The following DCC variants were observed in gnomAD, a reference collection of about 807,000 sequenced individuals.
The protein encoded by DCC is DCC netrin 1 receptor.
In DCC, 58 loss-of-function variants were observed where a neutral mutation model predicts 172.5. The observed-to-expected ratio is 0.34, with a 90% CI of 0.27 to 0.42. DCC has a LOEUF of 0.42. Among genes scored for constraint, DCC ranks in the 10% least tolerant of loss-of-function variants. The pLI is 1.00. For synonymous variants in DCC, 709 were observed against 644.5 expected (o/e 1.10, Z -1.52); for missense variants, 1,740 against 1,791.0 (o/e 0.97, Z 0.51).
intron 1 of DCC, among the ~76,000 whole-genome samples, chr18:52,550,854 T>G (rs1489239045): frequency 6.6e-6 from 1 of 151,828 alleles, no homozygotes; most frequent in Non-Finnish European, 1.5e-5. Flanking sequence ...GTATGGGAAC[T>G]CTGTACGATC....
At chr18:53,061,652 G>C (rs1268828301) in intron 5 of DCC, among the ~76,000 whole-genome samples, 1 of 152,100 alleles carries the variant, frequency 6.6e-6, no homozygotes, top group Non-Finnish European at 1.5e-5. Flanking sequence ...GAAGTTTCAA[G>C]TGGCAAAAGA....
At chr18:53,230,950 A>T (rs867972612) in intron 12 of DCC, among the ~76,000 whole-genome samples, 3 of 151,880 alleles carry the variant, frequency 2.0e-5, no homozygotes, top group Admixed American at 6.6e-5. Context: ...TATTATGCAG[A>T]TATGTAGATT....
At chr18:52,927,769 C>A (rs8096650) in intron 5 of DCC, among the ~76,000 whole-genome samples, 1 of 151,694 alleles carries the variant, frequency 6.6e-6, no homozygotes, top group Non-Finnish European at 1.5e-5. Context: ...ACAGATATTG[C>A]CGGGGTTGTG....
At chr18:53,208,974 A>C (rs1488091437) in intron 11 of DCC, among the ~76,000 whole-genome samples, 1 of 151,840 alleles carries the variant, frequency 6.6e-6, no homozygotes, top group Non-Finnish European at 1.5e-5. Context: ...CAAGTGATCC[A>C]CCCGCCTTGG....
At chr18:53,368,871 T>C (rs2058031865) in intron 15 of DCC, among the ~76,000 whole-genome samples, 1 of 152,020 alleles carries the variant, frequency 6.6e-6, no homozygotes, top group Admixed American at 6.6e-5. Context: ...AATCAAAAAG[T>C]ATGCGTCTTC....
chr18:52,784,857 AAATTT>A (rs2037623874), intron 2 of DCC, among the ~76,000 whole-genome samples: 1 of 151,074 alleles, frequency 6.6e-6, no homozygotes, highest in African/African-American at 2.4e-5. Context: ...AAGAAGTAGA[AAATTT>A]AATAGAATAA....
chr18:53,224,400 G>A (rs1334198924), intron 12 of DCC, among the ~76,000 whole-genome samples: 3 of 152,162 alleles, frequency 2.0e-5, no homozygotes, highest in African/African-American at 7.2e-5. Context: ...GCCAGATCTG[G>A]CGGGGCTTTG....
intron 5 of DCC, among the ~76,000 whole-genome samples, chr18:53,037,523 C>A (rs2143983668): frequency 6.6e-6 from 1 of 151,992 alleles, no homozygotes; most frequent in Non-Finnish European, 1.5e-5. Flanking sequence ...CTTGGTCCCG[C>A]AAGAGCCTCT....
intron 8 of DCC, among the ~76,000 whole-genome samples, chr18:53,178,463 T>TC (rs2055143025): frequency 6.6e-6 from 1 of 152,192 alleles, no homozygotes; most frequent in African/African-American, 2.4e-5. Context: ...GGACTCAGGC[T>TC]CCATACATAG....
At chr18:52,905,070 G>T (rs760264868) in intron 2 of DCC, among the ~76,000 whole-genome samples, 1 of 151,994 alleles carries the variant, frequency 6.6e-6, no homozygotes, top group African/African-American at 2.4e-5. Flanking sequence ...CATGTACAAC[G>T]TCATGGCAGA....
chr18:53,059,097 G>C (rs6508194), intron 5 of DCC, among the ~76,000 whole-genome samples: 52,518 of 151,902 alleles, frequency 0.35, 11,530 homozygotes, highest in African/African-American at 0.63. Context: ...GGAGAAGTGT[G>C]GAGCCAAAGG....
At chr18:52,717,675 T>C (rs2036407774) in intron 1 of DCC, among the ~76,000 whole-genome samples, 1 of 152,114 alleles carries the variant, frequency 6.6e-6, no homozygotes, top group Admixed American at 6.5e-5. Flanking sequence ...CCAGCGGACT[T>C]TTAACCCAGA....
At chr18:53,444,120 T>C (rs1912448791) in intron 22 of DCC, among the ~76,000 whole-genome samples, 2 of 152,218 alleles carry the variant, frequency 1.3e-5, no homozygotes, top group African/African-American at 2.4e-5. Context: ...TTGAGAAAAT[T>C]GACTCCAATT....
At chr18:53,431,667 T>C (rs1911628710) in intron 21 of DCC, among the ~76,000 whole-genome samples, 1 of 152,098 alleles carries the variant, frequency 6.6e-6, no homozygotes, top group African/African-American at 2.4e-5. Context: ...GTATTTTTAG[T>C]AGAGACGAGG....
chr18:52,694,918 A>G (rs966718045), intron 1 of DCC, among the ~76,000 whole-genome samples: 9 of 152,214 alleles, frequency 5.9e-5, no homozygotes, highest in African/African-American at 2.2e-4. Flanking sequence ...TAAGAATAGA[A>G]GATACAATTT....
In DCC at chr18:53,386,173, A is replaced by G. The variant is rs1435382557; in HGVS notation, c.2455+35A>G. On this transcript the variant is annotated intron_variant, in intron 16 of 28. Transcript: ENST00000442544. ...ATTGTTAATCTTCCTCTGACAAAGTATATTTGATTTATGGTGAAAAAAGAA... is the reference window on the plus strand; with the variant it reads ...ATTGTTAATCTTCCTCTGACAAAGTGTATTTGATTTATGGTGAAAAAAGAA... 5.9e-6 allele frequency: 8 copies of G among 1,354,746 alleles called. No homozygotes were observed. The Admixed American group carries it at 1.2e-4, about 20-fold the overall frequency. The allele number at this position is 1,354,746 out of a possible 1,614,324, so 83.9% of individuals were successfully genotyped here. A position where few individuals can be genotyped will look rare whatever the true frequency, so the allele number is the denominator to read the frequency against.
intron 5 of DCC, among the ~76,000 whole-genome samples, chr18:52,969,967 A>T (rs1488034402): frequency 6.6e-6 from 1 of 152,132 alleles, no homozygotes; most frequent in African/African-American, 2.4e-5. Context: ...AGAAGAGAAC[A>T]TTCAAAGTAC....
chr18:53,357,182 G>T (rs1199954144), intron 15 of DCC, among the ~76,000 whole-genome samples: 1 of 152,076 alleles, frequency 6.6e-6, no homozygotes, highest in Non-Finnish European at 1.5e-5. Context: ...TACCAAAAAT[G>T]CCAAACTGCA....
chr18:52,551,958 A>G (rs914730508), intron 1 of DCC, among the ~76,000 whole-genome samples: 4 of 151,728 alleles, frequency 2.6e-5, no homozygotes, highest in Non-Finnish European at 5.9e-5. Context: ...TCGTGTGTGG[A>G]TTTGGTGTGG....
Sources: gnomAD v4.1 joint callset for allele counts (sites outside exome capture counted in the v4.1 genomes callset) on GRCh38, gnomAD v4.1.1 for gene constraint, MANE v1.5 for transcripts, NCBI Gene and HGNC (gene_info 2026-07-23, HGNC 2026-07-21) for gene names.